SMC6: variants seen among roughly 807,000 people sequenced by gnomAD.
SMC6 encodes structural maintenance of chromosomes 6, also known as structural maintenance of chromosomes protein 6.
SMC6 carries 79 observed loss-of-function variants against 142.2 expected under a neutral mutation model. That is an observed-to-expected ratio of 0.56 (90% confidence interval 0.46 to 0.67). The LOEUF (loss-of-function observed/expected upper bound fraction) is 0.67, where lower values mean the gene tolerates loss of function less well. Among genes scored for constraint, SMC6 ranks in the 30% least tolerant of loss-of-function variants. The probability of loss-of-function intolerance (pLI) is 0.00; values close to 1 mark genes in which losing one functional copy is unlikely to be tolerated. For synonymous variants in SMC6, 411 were observed against 412.4 expected, an observed-to-expected ratio of 1.00 and a Z score of 0.04; for missense variants, 1,072 against 1,284.0, an observed-to-expected ratio of 0.83 and a Z score of 2.52.
At chr2:17,671,593 A>G (rs1558323214) in intron 25 of SMC6, among the ~76,000 whole-genome samples, 2 of 127,764 alleles carry the variant, frequency 1.6e-5, no homozygotes, top group Admixed American at 8.8e-5. Flanking sequence ...TGGTCGACAG[A>G]GCGAGACCCC....
At chr2:17,699,195 G>C (rs1668152861) in intron 21 of SMC6, among the ~76,000 whole-genome samples, 1 of 151,656 alleles carries the variant, frequency 6.6e-6, no homozygotes. Context: ...CTTTATCTGA[G>C]AATATCTTGA....
chr2:17,708,210 G>C (rs545831277), intron 17 of SMC6, among the ~76,000 whole-genome samples: 3 of 151,966 alleles, frequency 2.0e-5, no homozygotes, highest in African/African-American at 7.2e-5. Flanking sequence ...CACCTACACA[G>C]ATAAATAGTA....
At chr2:17,703,103 C>A (rs16983780) in intron 19 of SMC6, 54 bp downstream of exon 19, 2 of 1,124,020 alleles carry the variant, frequency 1.8e-6, no homozygotes, top group African/African-American at 3.2e-5. Context: ...AAATCAACTT[C>A]GTAGTAGTAA....
At chr2:17,739,443 G>A (rs768281712) in intron 4 of SMC6, among the ~76,000 whole-genome samples, 7 of 151,988 alleles carry the variant, frequency 4.6e-5, no homozygotes, top group Non-Finnish European at 1.0e-4. Context: ...CCAGGGGTTC[G>A]AGACCAGTCT....
chr2:17,679,205 TAA>T (rs1208218410), intron 24 of SMC6: 1 of 380,900 alleles, frequency 2.6e-6, no homozygotes, highest in African/African-American at 2.1e-5. Flanking sequence ...TGAAATGAAT[TAA>T]AGAGTCATCT....
At chr2:17,705,444 T>C (rs1177473034) in intron 18 of SMC6, among the ~76,000 whole-genome samples, 2 of 151,906 alleles carry the variant, frequency 1.3e-5, no homozygotes, top group Non-Finnish European at 2.9e-5. Context: ...GGCACTTGCC[T>C]GTACTCCCAG....
chr2:17,722,126 T>C lies in SMC6; in HGVS notation c.727-865A>G, dbSNP rs187331840. On this transcript the variant is annotated intron_variant, in intron 9 of 27. Coordinates refer to ENST00000448223, the MANE Select transcript of SMC6 (RefSeq NM_001142286.2). ...TTTTCAAAATTCTTTCAATCTATTA[T>C]CATTCTCTTCAAACCTCATACACCT... 9.2e-4 allele frequency among the ~76,000 whole-genome samples: 140 copies of C among 152,206 alleles called. 2 individuals are homozygous for C. Among genetic ancestry groups the C allele is most frequent in the Middle Eastern group, 6.8e-3 (2 of 294 alleles).
rs767761484 is a variant in SMC6 at position 17,726,402 on chromosome 2, C to T, written c.611G>A (p.Gly204Glu). ...GGTGCCACTTACTTTGTATTTGTCT[C>T]CTTCATTTTTAGACTGTAAGAACTG... ...SKQFLQSKNE[G>E]DKYKFFMKAT... The change falls in exon 8 of 28, where the codon GGA becomes GAA. Residue 204 changes from glycine to glutamate, a missense_variant. By Grantham distance (98) the Gly-to-Glu change is moderately conservative. This residue lies in a region of SMC6 where 994 missense variants were observed against 1,153.2 expected (regional missense o/e 0.86). Coordinates refer to ENST00000448223, the MANE Select transcript of SMC6 (RefSeq NM_001142286.2). 1 of 1,611,738 alleles carries T rather than the reference C, an allele frequency of 6.2e-7. No homozygotes were observed. The highest frequency in any genetic ancestry group is 2.2e-5 in the East Asian group (1 of 44,704).
chr2:17,691,193 C>G (rs1032694231), intron 23 of SMC6, among the ~76,000 whole-genome samples: 9 of 148,028 alleles, frequency 6.1e-5, no homozygotes, highest in African/African-American at 2.0e-4. Flanking sequence ...ATGTAATCAA[C>G]CCACATGTCC....
Position 17,741,665 on chromosome 2 carries a change from A to G in SMC6, c.185T>C (p.Leu62Pro). The G allele has an allele frequency of 3.7e-6, 6 of 1,612,482 alleles. No homozygotes were observed. Among genetic ancestry groups the G allele is most frequent in the Non-Finnish European group, 5.1e-6 (6 of 1,179,442 alleles). ...ATTAGAACCAAACTTAAAAGGTCCA[A>G]GCATTGAATGACACATGAAGTTTTT... ...HLKNFMCHSM[L>P]GPFKFGSNVN... Residue 62 changes from leucine (L) to proline (P), a missense_variant, in exon 4 of 28, where the codon CTT (leucine) becomes CCT (proline). Physicochemically the swap from Leu to Pro is moderately conservative, Grantham distance 98. Around this residue, in one of 3 missense-constraint regions of SMC6, gnomAD observed 994 missense variants for 1,153.2 expected, o/e 0.86. Coordinates refer to ENST00000448223, the MANE Select transcript of SMC6 (RefSeq NM_001142286.2).
At chr2:17,673,564 T>A (rs1017161435) in intron 25 of SMC6, among the ~76,000 whole-genome samples, 1 of 149,750 alleles carries the variant, frequency 6.7e-6, no homozygotes, top group Non-Finnish European at 1.5e-5. Context: ...AAAAAAAAAT[T>A]TTTTTTTTTA....
At chr2:17,683,949 A>G (rs916262562) in intron 23 of SMC6, among the ~76,000 whole-genome samples, 186 bp from the exon 24 acceptor site, 1 of 152,196 alleles carries the variant, frequency 6.6e-6, no homozygotes, top group African/African-American at 2.4e-5. Context: ...GGTACGGAAT[A>G]AGAAAGTGCT....
In SMC6 at chr2:17,665,698, T is replaced by C. The variant is rs540975372; in HGVS notation, c.3162-85A>G. 26 of 695,314 alleles carry C rather than the reference T, an allele frequency of 3.7e-5. No homozygotes were observed. The African/African-American group carries it at 4.4e-4, about 12-fold the overall frequency. 43.1% of individuals were successfully genotyped at this position (695,314 alleles called of 1,614,324 possible). The stretch of plus-strand genomic sequence containing the variant: ...ATTCTAATATTACCTCATGAAAATA[T>C]AAAGCTAAATATTTGGCTTTTATCT... On this transcript the variant is annotated intron_variant, in intron 27 of 27. Transcript: ENST00000448223.
intron 21 of SMC6, 140 bp from the exon 22 acceptor site, chr2:17,696,566 T>C (rs1444743551): frequency 3.8e-6 from 3 of 787,324 alleles, no homozygotes; most frequent in Non-Finnish European, 5.9e-6. Flanking sequence ...TGTGTCTGAA[T>C]AGAAGTGAGG....
rs1666799496 is a variant in SMC6, at chr2:17,672,355, A to G, written c.2911-1780T>C. Among the ~76,000 whole-genome samples, 7 of 152,340 alleles carry G rather than the reference A, an allele frequency of 4.6e-5. No homozygotes were observed. The South Asian group carries it at 1.4e-3, about 32-fold the overall frequency. ...AAAAACAGAGATGACAACATCAGAA[A>G]GTCTAGCTTGAGTTGTTTTGTATAG... On this transcript the variant is annotated intron_variant, in intron 25 of 27. Coordinates refer to ENST00000448223, the MANE Select transcript of SMC6 (RefSeq NM_001142286.2).
chr2:17,731,147 T>C lies in SMC6; in HGVS notation c.482-8A>G. 1.2e-6 allele frequency: 2 copies of C among 1,603,970 alleles called. No individual in the cohort carries two copies. Among genetic ancestry groups the C allele is most frequent in the Non-Finnish European group, 1.7e-6 (2 of 1,173,194 alleles). ...TCGTGGAAACCACGGAGCCTAGTTA[T>C]AAGAAACATATGAAATAACCAAACT... On this transcript the variant is annotated splice_polypyrimidine_tract_variant and splice_region_variant and intron_variant, in intron 6 of 27. Transcript: ENST00000448223.
chr2:17,682,667 C>T (rs750428056), intron 24 of SMC6, among the ~76,000 whole-genome samples: 1 of 152,018 alleles, frequency 6.6e-6, no homozygotes, highest in African/African-American at 2.4e-5. Flanking sequence ...TACAAGGTAT[C>T]GGTAGAGTAC....
At chr2:17,712,996 C>T (rs1227256797) in intron 16 of SMC6, among the ~76,000 whole-genome samples, 1 of 152,228 alleles carries the variant, frequency 6.6e-6, no homozygotes, top group African/African-American at 2.4e-5. Flanking sequence ...ATTTCTCACT[C>T]TTACCACAAC....
intron 25 of SMC6, among the ~76,000 whole-genome samples, chr2:17,676,887 C>G (rs1486390683): frequency 6.6e-6 from 1 of 152,110 alleles, no homozygotes; most frequent in Admixed American, 6.6e-5. Context: ...TTTTTGCATA[C>G]TGATTGTGTC....
Sources: gnomAD v4.1 joint callset for allele counts (sites outside exome capture counted in the v4.1 genomes callset) on GRCh38, gnomAD v4.1.1 for gene constraint, gnomAD v4.1.1 regional missense constraint, MANE v1.5 for transcripts, NCBI Gene and HGNC (gene_info 2026-07-23, HGNC 2026-07-21) for gene names.